Variants in KIF5C observed in about 807,000 individuals in gnomAD.
KIF5C encodes kinesin family member 5C.
Under a neutral mutation model 125.2 loss-of-function variants are expected in KIF5C, and 18 were observed. That is an observed-to-expected ratio of 0.14 (90% CI 0.10 to 0.21). The LOEUF (loss-of-function observed/expected upper bound fraction) is 0.21. KIF5C is among the 10% of genes least tolerant of loss of function. The probability of loss-of-function intolerance (pLI) is 1.00; values close to 1 mark genes in which losing one functional copy is unlikely to be tolerated. For synonymous variants in KIF5C, 405 were observed against 434.0 expected (o/e 0.93, Z 0.83); for missense variants, 780 against 1,183.8 (o/e 0.66, Z 5.01).
At position 148,949,926 on chromosome 2, in the gene KIF5C, G is replaced by T. The variant is rs377683650; in HGVS notation, c.802G>T (p.Ala268Ser). Residue 268 changes from alanine (A) to serine (S), a missense_variant, in exon 9 of 26, where the codon GCT becomes TCT. Physicochemically the swap from Ala to Ser is moderately conservative, Grantham distance 99. Coordinates refer to ENST00000435030, the MANE Select transcript of KIF5C (RefSeq NM_004522.3). Reference sequence around the variant, plus strand: ...GTCTGCTCTTGGAAATGTGATCTCTGCTTTGGCAGAAGGGACAGTAAGTGA... The same window carrying T: ...GTCTGCTCTTGGAAATGTGATCTCTTCTTTGGCAGAAGGGACAGTAAGTGA... ...SLSALGNVIS[A>S]LAEGTKTHVP... 2.5e-4 allele frequency: 406 copies of T among 1,613,458 alleles called. No homozygotes were observed. Among genetic ancestry groups the T allele is most frequent in the Non-Finnish European group, 3.2e-4 (380 of 1,179,742 alleles).
rs1332646491 is a variant in KIF5C at position 149,025,550 on chromosome 2, C to T, written c.*2480C>T. On this transcript the variant is annotated 3_prime_UTR_variant, in exon 26 of 26. Coordinates refer to ENST00000435030, the MANE Select transcript of KIF5C (RefSeq NM_004522.3). ...ATGTAAAAACCACACTTCTGAACAACTAAGCTCATGAATATGATTTTGGTT... is the reference window on the plus strand; with the variant it reads ...ATGTAAAAACCACACTTCTGAACAATTAAGCTCATGAATATGATTTTGGTT... The T allele has an allele frequency of 6.6e-6, 1 of 152,278 alleles. No individual in the cohort carries two copies. Among genetic ancestry groups the T allele is most frequent in the African/African-American group, 2.4e-5 (1 of 41,444 alleles). The allele number at this position is 152,278 out of a possible 1,614,324, so 9.4% of individuals were successfully genotyped here. A position where few individuals can be genotyped will look rare whatever the true frequency, so the allele number is the denominator to read the frequency against.
intron 13 of KIF5C, among the ~76,000 whole-genome samples, chr2:148,981,011 C>T (rs1165887694): frequency 6.6e-6 from 1 of 152,096 alleles, no homozygotes; most frequent in Non-Finnish European, 1.5e-5. Flanking sequence ...CGCCTGGCCC[C>T]ATCCTTTGCT....
intron 1 of KIF5C, among the ~76,000 whole-genome samples, chr2:148,899,500 G>GGCTA (rs1680806187): frequency 1.3e-5 from 2 of 151,882 alleles, no homozygotes; most frequent in Non-Finnish European, 2.9e-5. Context: ...TCAGGATTTC[G>GGCTA]AGACCAGCCT....
intron 1 of KIF5C, among the ~76,000 whole-genome samples, chr2:148,914,209 C>G (rs1269024417): frequency 2.0e-5 from 3 of 152,202 alleles, no homozygotes; most frequent in African/African-American, 7.2e-5. Flanking sequence ...ACTTTTCCTC[C>G]TACCCCCTGT....
At chr2:148,961,625 G>T (rs1481428756) in intron 10 of KIF5C, among the ~76,000 whole-genome samples, 2 of 152,110 alleles carry the variant, frequency 1.3e-5, no homozygotes, top group African/African-American at 4.8e-5. Context: ...CTTAAAGGAG[G>T]GTACTGAACA....
rs1574835836 is a variant in KIF5C, at chr2:149,010,139, T to C, written c.2555T>C (p.Val852Ala). The change falls in exon 24 of 26, where the codon GTC becomes GCC. Residue 852 changes from valine to alanine, a missense_variant. Around this residue, in one of 2 missense-constraint regions of KIF5C, gnomAD observed 573 missense variants for 742.6 expected, o/e 0.77. Coordinates refer to ENST00000435030, the MANE Select transcript of KIF5C (RefSeq NM_004522.3). ...TCCTTTATCCTCCTGCCCCAGCTGG[T>C]CCGGGACAACGCAGACCTGCGCTGT... The part of the protein sequence containing the change: ...EQLTKVHKQL[V>A]RDNADLRCEL... The C allele has an allele frequency of 6.5e-7, 1 of 1,548,756 alleles. No homozygotes were observed. Among genetic ancestry groups the C allele is most frequent in the Non-Finnish European group, 8.7e-7 (1 of 1,145,408 alleles).
chr2:148,928,626 A>G (rs1470107933), intron 2 of KIF5C, among the ~76,000 whole-genome samples: 3 of 152,090 alleles, frequency 2.0e-5, no homozygotes, highest in Non-Finnish European at 4.4e-5. Context: ...ATTAAAAGAA[A>G]TTTCCTGATG....
At chr2:148,902,949 C>T (rs1422483188) in intron 1 of KIF5C, among the ~76,000 whole-genome samples, 4 of 152,102 alleles carry the variant, frequency 2.6e-5, no homozygotes, top group African/African-American at 4.8e-5. Context: ...CTGCTTATTC[C>T]TCTAATTCCT....
intron 16 of KIF5C, among the ~76,000 whole-genome samples, chr2:148,992,419 A>C (rs2105174473): frequency 6.6e-6 from 1 of 152,344 alleles, no homozygotes; most frequent in Non-Finnish European, 1.5e-5. Flanking sequence ...AAATGAAAAA[A>C]ATTTATTTCA....
chr2:148,959,110 G>A lies in KIF5C; in HGVS notation c.969-2861G>A, dbSNP rs571683980. On this transcript the variant is annotated intron_variant, in intron 10 of 25. Transcript: ENST00000435030. The stretch of plus-strand genomic sequence containing the variant: ...TCTCTGGAACAGAATTTTTTACATG[G>A]TATTGGGGGTGAGGAATAAAGTTCC... 6.6e-5 allele frequency among the ~76,000 whole-genome samples: 10 copies of A among 152,250 alleles called. No homozygotes were observed. In the South Asian group the frequency reaches 1.2e-3, roughly 19 times the overall value.
chr2:148,964,275 CAA>C (rs112943127), intron 11 of KIF5C, among the ~76,000 whole-genome samples: 20 of 128,990 alleles, frequency 1.6e-4, no homozygotes, highest in African/African-American at 2.2e-4. Context: ...AACTCCATCT[CAA>C]AAAAAAAAAA....
At chr2:148,970,602 C>T (rs1233920120) in intron 11 of KIF5C, among the ~76,000 whole-genome samples, 3 of 152,200 alleles carry the variant, frequency 2.0e-5, no homozygotes, top group East Asian at 1.9e-4. Flanking sequence ...CAGTGCCTTA[C>T]AGCAGCATTG....
intron 17 of KIF5C, among the ~76,000 whole-genome samples, chr2:148,994,914 G>A (rs1405574105): frequency 6.6e-6 from 1 of 151,984 alleles, no homozygotes; most frequent in Non-Finnish European, 1.5e-5. Flanking sequence ...TATTGGCCAG[G>A]CTGGTCTTGA....
At chr2:148,999,669 G>A (rs925127246) in intron 19 of KIF5C, among the ~76,000 whole-genome samples, 6 of 152,218 alleles carry the variant, frequency 3.9e-5, no homozygotes, top group African/African-American at 1.2e-4. Flanking sequence ...TGGAAGGGAG[G>A]GGGAGGTTGG....
intron 6 of KIF5C, among the ~76,000 whole-genome samples, 168 bp downstream of exon 6, chr2:148,942,158 T>G (rs1002910243): frequency 2.0e-5 from 3 of 152,248 alleles, no homozygotes; most frequent in African/African-American, 4.8e-5. Flanking sequence ...TTTACTTTCT[T>G]CAATTGTATC....
chr2:148,950,894 A>G (rs1682642657), intron 10 of KIF5C, among the ~76,000 whole-genome samples: 1 of 152,180 alleles, frequency 6.6e-6, no homozygotes, highest in Non-Finnish European at 1.5e-5. Context: ...ACTAAATTAC[A>G]TCTAGCAGGT....
chr2:148,996,797 A>G (rs923007221), intron 17 of KIF5C, among the ~76,000 whole-genome samples: 5 of 152,216 alleles, frequency 3.3e-5, no homozygotes, highest in Admixed American at 6.5e-5. Flanking sequence ...TAGAGAATAA[A>G]CGCCTACCCA....
At chr2:148,993,438 A>G (rs1445921746) in intron 16 of KIF5C, among the ~76,000 whole-genome samples, 2 of 152,210 alleles carry the variant, frequency 1.3e-5, no homozygotes, top group Non-Finnish European at 2.9e-5. Context: ...TTCGACCATT[A>G]TTTCCTGAGG....
intron 23 of KIF5C, among the ~76,000 whole-genome samples, 164 bp from the exon 24 acceptor site, chr2:149,009,971 A>C (rs1682134961): frequency 6.6e-6 from 1 of 152,136 alleles, no homozygotes; most frequent in Non-Finnish European, 1.5e-5. Context: ...AGGAACCTGG[A>C]CCCCACAGTC....
Sources: allele counts gnomAD v4.1 joint callset (sites outside exome capture counted in the v4.1 genomes callset), GRCh38; gene constraint gnomAD v4.1.1; regional missense constraint gnomAD v4.1.1; transcripts MANE v1.5; gene names NCBI Gene and HGNC (gene_info 2026-07-23, HGNC 2026-07-21).